Variants in XXYLT1 observed in about 807,000 individuals in gnomAD.
XXYLT1 encodes UDP-xylose:alpha-xyloside alpha-1,3-xylosyltransferase.
In XXYLT1, 20 loss-of-function variants were observed where a neutral mutation model predicts 28.9. That is an observed-to-expected ratio of 0.69 (90% CI 0.49 to 1.00). XXYLT1 has a LOEUF of 1.00. XXYLT1 is among the 50% of genes least tolerant of loss of function. The probability of loss-of-function intolerance (pLI) is 0.00; values close to 1 mark genes in which losing one functional copy is unlikely to be tolerated. For missense variants in XXYLT1, 542 were observed against 560.1 expected (o/e 0.97, Z 0.33); for synonymous variants, 257 against 253.8 (o/e 1.01, Z -0.12).
At chr3:195,071,139 C>T (rs947796236) in intron 3 of XXYLT1, among the ~76,000 whole-genome samples, 39 of 152,186 alleles carry the variant, frequency 2.6e-4, no homozygotes, top group Non-Finnish European at 2.4e-4. Flanking sequence ...GAGGAGGGGC[C>T]ACAGCAATCG....
chr3:195,163,604 G>A (rs955345185), intron 2 of XXYLT1, among the ~76,000 whole-genome samples: 3 of 152,168 alleles, frequency 2.0e-5, no homozygotes, highest in East Asian at 1.9e-4. Context: ...GCTTTAACTC[G>A]TTTGATCCTT....
rs755121392 is a variant in XXYLT1 at position 195,195,910 on chromosome 3, CCT to C, written c.652+30797_652+30798del. Among the ~76,000 whole-genome samples, 7 of 152,258 alleles carry C rather than the reference CCT, an allele frequency of 4.6e-5. No homozygotes were observed. The highest frequency in any genetic ancestry group is 8.8e-5 in the Non-Finnish European group (6 of 68,020). The stretch of plus-strand genomic sequence containing the variant: ...TGGTCAGGACCTCCAAGTCACAGTC[CCT>C]CTTTCTCCTCACTGCCTCAGTCTCC... On this transcript the variant is annotated intron_variant, in intron 2 of 3. Transcript: ENST00000310380. The surrounding 1 kb of genome is among the most constrained non-coding windows in gnomAD (Gnocchi z 4.4).
At chr3:195,197,360 C>T (rs533660735) in intron 2 of XXYLT1, among the ~76,000 whole-genome samples, 2 of 151,652 alleles carry the variant, frequency 1.3e-5, no homozygotes, top group South Asian at 4.2e-4. Flanking sequence ...TCACTTGAAC[C>T]TGGGAGGCAG....
intron 2 of XXYLT1, among the ~76,000 whole-genome samples, chr3:195,178,227 C>G (rs1251981962): frequency 1.3e-5 from 2 of 152,060 alleles, no homozygotes; most frequent in African/African-American, 4.8e-5. Flanking sequence ...TCTGGATGCT[C>G]TCCCGCTTGG....
chr3:195,161,749 C>T (rs1720883941), intron 2 of XXYLT1, among the ~76,000 whole-genome samples: 1 of 151,528 alleles, frequency 6.6e-6, no homozygotes, highest in African/African-American at 2.4e-5. Flanking sequence ...ATTCTCCTGC[C>T]TCAGCCTCCT....
At chr3:195,157,050 C>T (rs1222532085) in intron 2 of XXYLT1, among the ~76,000 whole-genome samples, 1 of 151,968 alleles carries the variant, frequency 6.6e-6, no homozygotes, top group African/African-American at 2.4e-5. Flanking sequence ...TGAGACCAGC[C>T]TGACCAACAT....
intron 3 of XXYLT1, among the ~76,000 whole-genome samples, chr3:195,081,582 C>T (rs1715437353): frequency 6.6e-6 from 1 of 152,222 alleles, no homozygotes; most frequent in Non-Finnish European, 1.5e-5. Flanking sequence ...CAGACAGTCC[C>T]AGTCCGGAGC....
intron 3 of XXYLT1, among the ~76,000 whole-genome samples, chr3:195,072,498 G>A (rs1476055589): frequency 6.6e-6 from 1 of 152,180 alleles, no homozygotes; most frequent in Non-Finnish European, 1.5e-5. Flanking sequence ...CGCAGGCAGA[G>A]AGAAGAGGAC....
chr3:195,187,662 T>C (rs1722261612), intron 2 of XXYLT1, among the ~76,000 whole-genome samples: 1 of 152,200 alleles, frequency 6.6e-6, no homozygotes, highest in South Asian at 2.1e-4. Flanking sequence ...TTTAATTGCT[T>C]TGCATGCACA....
intron 3 of XXYLT1, among the ~76,000 whole-genome samples, chr3:195,143,784 T>TTATATATA (rs3073320): frequency 0.012 from 1,345 of 113,774 alleles, 62 homozygotes; most frequent in Middle Eastern, 0.03. Context: ...TGTTCTCTCA[T>TTATATATA]TATATATATA....
intron 3 of XXYLT1, among the ~76,000 whole-genome samples, chr3:195,108,084 G>A (rs1717252281): frequency 6.6e-6 from 1 of 152,228 alleles, no homozygotes; most frequent in African/African-American, 2.4e-5. Context: ...CCATAGGGGG[G>A]TCTGGCCTTT....
intron 1 of XXYLT1, among the ~76,000 whole-genome samples, chr3:195,259,369 T>C (rs781030607): frequency 6.6e-6 from 1 of 152,250 alleles, no homozygotes; most frequent in Non-Finnish European, 1.5e-5. Flanking sequence ...TCAAGGTCCC[T>C]GTGGCTTGCG....
chr3:195,202,032 C>T lies in XXYLT1; in HGVS notation c.652+24677G>A, dbSNP rs564737456. ...TCTCTACTAAAAATACAAAAATTAG[C>T]CAGGTGTGGTGGTGTGCACCTGTAA... On this transcript the variant is annotated intron_variant, in intron 2 of 3. Transcript: ENST00000310380. 2.1e-3 allele frequency among the ~76,000 whole-genome samples: 319 copies of T among 152,178 alleles called. 2 individuals carry two copies. The highest frequency in any genetic ancestry group is 1.1e-3 in the Non-Finnish European group (75 of 68,010).
At chr3:195,261,181 C>T (rs1725687969) in intron 1 of XXYLT1, among the ~76,000 whole-genome samples, 1 of 152,198 alleles carries the variant, frequency 6.6e-6, no homozygotes, top group Admixed American at 6.5e-5. Flanking sequence ...GCCTGTAATC[C>T]CAGCATTTTG....
intron 3 of XXYLT1, among the ~76,000 whole-genome samples, chr3:195,126,992 A>G (rs1290803975): frequency 6.6e-6 from 1 of 152,238 alleles, no homozygotes; most frequent in East Asian, 1.9e-4. Flanking sequence ...CTGTAACTCA[A>G]GTGCAGCAAC....
chr3:195,083,792 G>A (rs1041564550), intron 3 of XXYLT1, among the ~76,000 whole-genome samples: 6 of 152,162 alleles, frequency 3.9e-5, no homozygotes, highest in Non-Finnish European at 5.9e-5. Flanking sequence ...TTGGGAGGCC[G>A]AGGAAAGCAG....
Position 195,069,655 on chromosome 3 carries a change from C to G in XXYLT1, c.*60G>C, listed in dbSNP as rs1282518385. The G allele has an allele frequency of 6.4e-7, 1 of 1,554,536 alleles. No homozygotes were observed. Among genetic ancestry groups the G allele is most frequent in the African/African-American group, 1.4e-5 (1 of 73,802 alleles). Reference sequence around the variant, plus strand: ...GTCAGACACTGCCCTTGGGTCTGTCCCAAGGAACCCTGTCCTTCCCCCAGA... The same window carrying G: ...GTCAGACACTGCCCTTGGGTCTGTCGCAAGGAACCCTGTCCTTCCCCCAGA... On this transcript the variant is annotated 3_prime_UTR_variant, in exon 4 of 4. Coordinates refer to ENST00000310380, the MANE Select transcript of XXYLT1 (RefSeq NM_152531.5).
chr3:195,163,772 G>T (rs147964958), intron 2 of XXYLT1, among the ~76,000 whole-genome samples: 201 of 152,314 alleles, frequency 1.3e-3, no homozygotes, highest in Non-Finnish European at 2.1e-3. Context: ...AGACCCAGAC[G>T]ACTTCTGCTT....
At chr3:195,089,977 C>T (rs1462020192) in intron 3 of XXYLT1, among the ~76,000 whole-genome samples, 2 of 151,250 alleles carry the variant, frequency 1.3e-5, no homozygotes, top group African/African-American at 4.9e-5. Flanking sequence ...GAAGAGCTAA[C>T]TATCCTAAAT....
Sources: allele counts gnomAD v4.1 joint callset (sites outside exome capture counted in the v4.1 genomes callset), GRCh38; gene constraint gnomAD v4.1.1; non-coding constraint Gnocchi (gnomAD v3.1); transcripts MANE v1.5; gene names NCBI Gene and HGNC (gene_info 2026-07-23, HGNC 2026-07-21).